LRRC4C: variants seen among roughly 807,000 people sequenced by gnomAD.
LRRC4C encodes leucine-rich repeat-containing protein 4C.
A neutral mutation model predicts 33.6 loss-of-function variants in LRRC4C; 5 were observed. The ratio of observed to expected loss-of-function variants is 0.15; its 90% CI spans 0.08 to 0.31. The LOEUF is 0.31. Among genes scored for constraint, LRRC4C ranks in the 10% least tolerant of loss-of-function variants. The pLI is 1.00. For synonymous variants in LRRC4C, 329 were observed against 302.0 expected, an observed-to-expected ratio of 1.09 and a Z score of -0.93; for missense variants, 560 against 796.7, an observed-to-expected ratio of 0.70 and a Z score of 3.58.
intron 5 of LRRC4C, among the ~76,000 whole-genome samples, chr11:40,196,227 TA>T (rs895672977): frequency 6.6e-6 from 1 of 151,598 alleles, no homozygotes; most frequent in African/African-American, 2.4e-5. Flanking sequence ...TACGAAGGGG[TA>T]AAAAAGGATG....
chr11:40,139,840 C>T (rs1857242547), intron 6 of LRRC4C, among the ~76,000 whole-genome samples: 1 of 152,174 alleles, frequency 6.6e-6, no homozygotes. Context: ...TAAACAACTA[C>T]TTTTAGGGCA....
chr11:40,126,128 C>G (rs746031731), intron 6 of LRRC4C, among the ~76,000 whole-genome samples: 58 of 149,088 alleles, frequency 3.9e-4, no homozygotes, highest in Non-Finnish European at 1.5e-4. Context: ...TGCAATGTTT[C>G]TAGAAAATGC....
intron 1 of LRRC4C, among the ~76,000 whole-genome samples, chr11:40,961,580 GGAAGT>G (rs1451590053): frequency 6.6e-6 from 1 of 151,710 alleles, no homozygotes; most frequent in Non-Finnish European, 1.5e-5. Context: ...GGAATAAAAA[GGAAGT>G]TAATAATGAT....
chr11:41,453,307 T>G (rs1956083068), intron 1 of LRRC4C, among the ~76,000 whole-genome samples: 1 of 152,128 alleles, frequency 6.6e-6, no homozygotes, highest in Non-Finnish European at 1.5e-5. Flanking sequence ...TTATGGATTC[T>G]GCCAAAGACC....
chr11:40,782,117 A>C (rs771344144), intron 2 of LRRC4C, among the ~76,000 whole-genome samples: 4 of 152,122 alleles, frequency 2.6e-5, no homozygotes, highest in Non-Finnish European at 4.4e-5. Flanking sequence ...CTTCCAAACA[A>C]CAGCCTCCCA....
chr11:40,856,620 T>C (rs1050543332), intron 2 of LRRC4C, among the ~76,000 whole-genome samples: 2 of 152,266 alleles, frequency 1.3e-5, no homozygotes, highest in Admixed American at 6.5e-5. Context: ...ATTCTTGGCA[T>C]TGGCATTTCA....
At chr11:40,389,898 G>T (rs1949271309) in intron 3 of LRRC4C, among the ~76,000 whole-genome samples, 1 of 152,182 alleles carries the variant, frequency 6.6e-6, no homozygotes, top group South Asian at 2.1e-4. Flanking sequence ...TAAGTAGAAA[G>T]AAGTAGGGTC....
chr11:40,479,766 A>G (rs1446201052), intron 3 of LRRC4C, among the ~76,000 whole-genome samples: 1 of 152,162 alleles, frequency 6.6e-6, no homozygotes, highest in African/African-American at 2.4e-5. Flanking sequence ...TTCATTAAAA[A>G]AATCAGTGGA....
chr11:40,215,438 T>C (rs1440106961), intron 5 of LRRC4C, among the ~76,000 whole-genome samples: 1 of 152,162 alleles, frequency 6.6e-6, no homozygotes, highest in East Asian at 1.9e-4. Context: ...TTTTCAAGTA[T>C]ATTTTTCAGA....
chr11:40,198,458 C>T (rs1295439650), intron 5 of LRRC4C, among the ~76,000 whole-genome samples: 1 of 152,320 alleles, frequency 6.6e-6, no homozygotes, highest in South Asian at 2.1e-4. Context: ...TACAAATATT[C>T]TCTCTTATAA....
rs377011223 is a variant in LRRC4C at position 40,268,053 on chromosome 11, T to C, written c.-175-26455A>G. On this transcript the variant is annotated intron_variant, in intron 4 of 6. Coordinates refer to ENST00000528697, the MANE Select transcript of LRRC4C (RefSeq NM_001258419.2). ...AAATCAATCTTTTCTGAGAATGGCG[T>C]ACAGCTCCCGAGTTAGGTAAAGACC... Among the ~76,000 whole-genome samples, 20 of 152,322 alleles carry C rather than the reference T, an allele frequency of 1.3e-4. No homozygotes were observed. The East Asian group carries it at 3.9e-3, about 29-fold the overall frequency.
At chr11:40,635,705 C>T (rs940147392) in intron 3 of LRRC4C, among the ~76,000 whole-genome samples, 4 of 136,122 alleles carry the variant, frequency 2.9e-5, no homozygotes, top group African/African-American at 1.1e-4. Flanking sequence ...GGCGCGATCT[C>T]GGCTCACTGC....
chr11:40,144,675 G>C (rs903382703), intron 5 of LRRC4C, among the ~76,000 whole-genome samples: 1 of 152,188 alleles, frequency 6.6e-6, no homozygotes, highest in African/African-American at 2.4e-5. Context: ...AGGCGAATGA[G>C]ATTATAATTT....
rs1200468758 is a variant in LRRC4C, at chr11:40,261,334, AT to A, written c.-175-19737del. Among the ~76,000 whole-genome samples the A allele has an allele frequency of 5.3e-5, 8 of 152,188 alleles. No homozygotes were observed. In the South Asian group the frequency reaches 1.7e-3, roughly 31 times the overall value. ...AATGAAAAGATTAAAGTTTACTGGA[AT>A]TTTTTTCTGTCTCATAATAAAATAC... On this transcript the variant is annotated intron_variant, in intron 4 of 6. Coordinates refer to ENST00000528697, the MANE Select transcript of LRRC4C (RefSeq NM_001258419.2).
chr11:41,274,982 G>T (rs954376688), intron 1 of LRRC4C, among the ~76,000 whole-genome samples: 1 of 152,112 alleles, frequency 6.6e-6, no homozygotes, highest in Non-Finnish European at 1.5e-5. Flanking sequence ...GATCCCTCAT[G>T]AATGGATTAG....
intron 1 of LRRC4C, among the ~76,000 whole-genome samples, chr11:40,941,995 T>C (rs1271756733): frequency 1.3e-5 from 2 of 152,116 alleles, no homozygotes; most frequent in African/African-American, 4.8e-5. Flanking sequence ...CAGATATTAC[T>C]GTGGAGGATA....
intron 4 of LRRC4C, among the ~76,000 whole-genome samples, chr11:40,310,642 A>C (rs181203177): frequency 6.6e-6 from 1 of 152,250 alleles, no homozygotes; most frequent in African/African-American, 2.4e-5. Context: ...ACTGTGCTAC[A>C]CTCTTATAAG....
chr11:41,043,998 C>G (rs1435285214), intron 1 of LRRC4C, among the ~76,000 whole-genome samples: 2 of 151,944 alleles, frequency 1.3e-5, no homozygotes, highest in African/African-American at 4.8e-5. Context: ...ATCATTCCCT[C>G]CCCCACACAC....
At chr11:40,825,952 G>T (rs1000766935) in intron 2 of LRRC4C, among the ~76,000 whole-genome samples, 1 of 3,244 alleles carries the variant, frequency 3.1e-4, no homozygotes, top group Non-Finnish European at 1.5e-3. Flanking sequence ...GGGGGGGGGC[G>T]TCTCACATAT....
Sources: gnomAD v4.1 joint callset for allele counts (sites outside exome capture counted in the v4.1 genomes callset) on GRCh38, gnomAD v4.1.1 for gene constraint, MANE v1.5 for transcripts, NCBI Gene and HGNC (gene_info 2026-07-23, HGNC 2026-07-21) for gene names.